The following EVI5 variants were observed in gnomAD, a reference collection of about 807,000 sequenced individuals.
EVI5 encodes ecotropic viral integration site 5 protein homolog.
EVI5 carries 73 observed loss-of-function variants against 112.0 expected under a neutral mutation model. The ratio of observed to expected loss-of-function variants is 0.65; its 90% CI spans 0.54 to 0.79. The LOEUF (loss-of-function observed/expected upper bound fraction) is 0.79, where lower values mean the gene tolerates loss of function less well. EVI5 is among the 30% of genes least tolerant of loss of function. EVI5 has a pLI of 0.00. For missense variants in EVI5, 900 were observed against 968.8 expected (o/e 0.93, Z 0.94); for synonymous variants, 305 against 319.9 (o/e 0.95, Z 0.50).
intron 1 of EVI5, among the ~76,000 whole-genome samples, chr1:92,753,126 A>G (rs2391195): frequency 0.57 from 85,895 of 149,842 alleles, 26,406 homozygotes; most frequent in East Asian, 0.92. Flanking sequence ...ATAAACAAAG[A>G]GTCAGGCAAA....
chr1:92,658,006 C>G (rs1663306609), intron 13 of EVI5, among the ~76,000 whole-genome samples: 1 of 152,176 alleles, frequency 6.6e-6, no homozygotes, highest in African/African-American at 2.4e-5. Context: ...CCAGGTACCA[C>G]CTCCAACAAT....
chr1:92,615,915 T>C (rs1476174845), intron 16 of EVI5, among the ~76,000 whole-genome samples: 2 of 152,156 alleles, frequency 1.3e-5, no homozygotes, highest in African/African-American at 4.8e-5. Context: ...GGAATGGATA[T>C]TAAGGGTATG....
chr1:92,772,484 G>C (rs990726860), intron 1 of EVI5, among the ~76,000 whole-genome samples: 42 of 151,930 alleles, frequency 2.8e-4, no homozygotes, highest in African/African-American at 9.6e-4. Flanking sequence ...TAATTTCTTG[G>C]GGAAAATTGT....
chr1:92,690,053 T>C (rs939748075), intron 9 of EVI5, among the ~76,000 whole-genome samples: 4 of 152,050 alleles, frequency 2.6e-5, no homozygotes, highest in Admixed American at 1.3e-4. Context: ...GCTTATTTTA[T>C]TTATTGCAGA....
intron 19 of EVI5, among the ~76,000 whole-genome samples, chr1:92,550,485 T>G (rs1298048670): frequency 6.6e-6 from 1 of 151,186 alleles, no homozygotes; most frequent in East Asian, 1.9e-4. Context: ...CCCTAGAACT[T>G]AAAGTATAAT....
At chr1:92,680,122 T>C (rs1409224972) in intron 9 of EVI5, among the ~76,000 whole-genome samples, 1 of 152,228 alleles carries the variant, frequency 6.6e-6, no homozygotes, top group South Asian at 2.1e-4. Context: ...AACAGAGTGA[T>C]CTTTTTTTAA....
intron 19 of EVI5, among the ~76,000 whole-genome samples, chr1:92,515,084 G>A (rs1456616811): frequency 6.6e-6 from 1 of 152,156 alleles, no homozygotes; most frequent in Non-Finnish European, 1.5e-5. Context: ...GGGAGGAGGA[G>A]AGAGGAATGG....
At chr1:92,605,435 A>G in intron 17 of EVI5, 33 bp from the exon 18 acceptor site, 2 of 1,408,816 alleles carry the variant, frequency 1.4e-6, no homozygotes, top group Non-Finnish European at 2.0e-6. Context: ...AACAAAATAA[A>G]CCAGGTGTGT....
intron 19 of EVI5, among the ~76,000 whole-genome samples, chr1:92,544,052 C>T (rs539096084): frequency 6.6e-6 from 1 of 152,268 alleles, no homozygotes; most frequent in African/African-American, 2.4e-5. Context: ...AAACATTATA[C>T]TAAGTGAAAA....
At chr1:92,613,260 T>A (rs904186643) in intron 16 of EVI5, among the ~76,000 whole-genome samples, 6 of 152,180 alleles carry the variant, frequency 3.9e-5, no homozygotes, top group African/African-American at 1.4e-4. Flanking sequence ...TCAAAGGACA[T>A]AATGAAGCCT....
intron 19 of EVI5, among the ~76,000 whole-genome samples, chr1:92,545,213 T>C (rs1276704603): frequency 1.3e-5 from 2 of 152,162 alleles, no homozygotes; most frequent in Non-Finnish European, 2.9e-5. Flanking sequence ...TCAATACTGT[T>C]ATTGTTTATT....
chr1:92,594,391 A>C (rs1266740681), intron 18 of EVI5, among the ~76,000 whole-genome samples: 20 of 151,382 alleles, frequency 1.3e-4, no homozygotes, highest in Admixed American at 7.9e-4. Flanking sequence ...GGATCCCCTC[A>C]TTACACCTTA....
intron 19 of EVI5, among the ~76,000 whole-genome samples, chr1:92,538,232 C>T (rs1664211417): frequency 6.6e-6 from 1 of 152,130 alleles, no homozygotes; most frequent in African/African-American, 2.4e-5. Flanking sequence ...TTAGAAGGTA[C>T]TCTAAGGTCA....
intron 10 of EVI5, among the ~76,000 whole-genome samples, chr1:92,671,820 T>G (rs1412711481): frequency 1.3e-5 from 2 of 150,956 alleles, no homozygotes; most frequent in Non-Finnish European, 3.0e-5. Flanking sequence ...TTTTTTTTTT[T>G]AAGACAGGAT....
chr1:92,657,039 C>T (rs985919660), intron 13 of EVI5, among the ~76,000 whole-genome samples: 16 of 152,018 alleles, frequency 1.1e-4, no homozygotes, highest in Non-Finnish European at 1.0e-4. Context: ...TTCTATGAAG[C>T]CGGCATCACC....
intron 9 of EVI5, among the ~76,000 whole-genome samples, chr1:92,681,009 C>T (rs1196750618): frequency 3.3e-5 from 5 of 152,124 alleles, no homozygotes; most frequent in African/African-American, 1.2e-4. Context: ...GATAGTTATA[C>T]AGCATATTAT....
intron 13 of EVI5, among the ~76,000 whole-genome samples, chr1:92,646,035 C>A (rs1660890719): frequency 6.6e-6 from 1 of 152,204 alleles, no homozygotes; most frequent in Admixed American, 6.5e-5. Flanking sequence ...TCTAACCTGA[C>A]CCTCACCAAT....
chr1:92,788,956 T>A, upstream of EVI5, among the ~76,000 whole-genome samples: 1 of 152,202 alleles, frequency 6.6e-6, no homozygotes, highest in South Asian at 2.1e-4. Context: ...GGGGTAGGTA[T>A]TATTATCATA....
At chr1:92,775,466 T>C (rs1296140495) in intron 1 of EVI5, among the ~76,000 whole-genome samples, 1 of 151,730 alleles carries the variant, frequency 6.6e-6, no homozygotes, top group East Asian at 1.9e-4. Flanking sequence ...GAGATTATAA[T>C]ATAGTACTTT....
Sources: gnomAD v4.1 joint callset for allele counts (sites outside exome capture counted in the v4.1 genomes callset) on GRCh38, gnomAD v4.1.1 for gene constraint, MANE v1.5 for transcripts, NCBI Gene and HGNC (gene_info 2026-07-23, HGNC 2026-07-21) for gene names.